Variants in TMEM106B observed in about 807,000 individuals in gnomAD.
The protein encoded by TMEM106B is transmembrane protein 106B.
TMEM106B carries 15 observed loss-of-function variants against 31.1 expected under a neutral mutation model. The observed-to-expected ratio is 0.48, with a 90% CI of 0.32 to 0.74. The LOEUF is 0.74. Ranked by LOEUF, TMEM106B falls within the 30% of genes least tolerant of loss-of-function variation. The pLI, the probability that TMEM106B is intolerant of heterozygous loss-of-function variation, is 0.03. For synonymous variants in TMEM106B, 126 were observed against 112.5 expected (o/e 1.12, Z -0.76); for missense variants, 283 against 327.3 (o/e 0.86, Z 1.04).
chr7:12,230,327 A>T, intron 5 of TMEM106B, 62 bp from the exon 6 acceptor site: 1 of 1,153,488 alleles, frequency 8.7e-7, no homozygotes. Flanking sequence ...GTTATGAAGT[A>T]TATCTGAAAT....
rs1244243355 is a variant in TMEM106B at position 12,239,130 on chromosome 7, T to TA, written c.*7156dup. ...TCTTAGCTAGATATTCTGGGTAACT[T>TA]ACTGCAGGTTCTCCATCAGCACTTA... On this transcript the variant is annotated 3_prime_UTR_variant, in exon 8 of 8. Transcript: ENST00000396668. 6.6e-6 allele frequency: 1 copy of TA among 152,228 alleles called. No individual in the cohort carries two copies. Among genetic ancestry groups the TA allele is most frequent in the South Asian group, 2.1e-4 (1 of 4,834 alleles). 9.4% of individuals were successfully genotyped at this position (152,228 alleles called of 1,614,324 possible).
At chr7:12,225,566 T>C (rs150465020) in intron 4 of TMEM106B, among the ~76,000 whole-genome samples, 77,102 of 152,040 alleles carry the variant, frequency 0.51, 20,597 homozygotes, top group African/African-American at 0.66. Flanking sequence ...GCCATTCTAA[T>C]TGGTGTGAGA....
Position 12,225,016 on chromosome 7 carries a change from C to G in TMEM106B, c.441+631C>G, listed in dbSNP as rs149105187. ...ATTTCTCCTAATGCTATCCCTCCCCCATCCCTCCACCTCACGACAGGCCTC... is the reference window on the plus strand; with the variant it reads ...ATTTCTCCTAATGCTATCCCTCCCCGATCCCTCCACCTCACGACAGGCCTC... On this transcript the variant is annotated intron_variant, in intron 4 of 7. Coordinates refer to ENST00000396668, the MANE Select transcript of TMEM106B (RefSeq NM_001134232.2). Among the ~76,000 whole-genome samples, 4 of 152,086 alleles carry G rather than the reference C, an allele frequency of 2.6e-5. No individual in the cohort carries two copies. In the East Asian group the frequency reaches 7.7e-4, roughly 29 times the overall value.
At chr7:12,227,342 T>A (rs1029759172) in intron 4 of TMEM106B, among the ~76,000 whole-genome samples, 2 of 152,074 alleles carry the variant, frequency 1.3e-5, no homozygotes, top group Non-Finnish European at 2.9e-5. Context: ...TTATAAGACA[T>A]TTGAGAACTA....
At chr7:12,220,696 A>C (rs142450652) in intron 3 of TMEM106B, among the ~76,000 whole-genome samples, 253 of 152,342 alleles carry the variant, frequency 1.7e-3, no homozygotes, top group African/African-American at 5.7e-3. Context: ...ATTATTTGCC[A>C]AATTACATCT....
intron 1 of TMEM106B, among the ~76,000 whole-genome samples, chr7:12,212,100 G>C (rs1019308): frequency 0.64 from 96,691 of 152,070 alleles, 31,808 homozygotes; most frequent in African/African-American, 0.82. Context: ...GTTTCTCACA[G>C]AGTCTGGCAC....
intron 3 of TMEM106B, among the ~76,000 whole-genome samples, chr7:12,223,923 G>A (rs763333301): frequency 6.6e-6 from 1 of 151,898 alleles, no homozygotes; most frequent in Non-Finnish European, 1.5e-5. Flanking sequence ...TTTTCACTGT[G>A]TTGGTCAGGC....
At position 12,242,442 on chromosome 7, in the gene TMEM106B, C is replaced by A. The variant is rs566802179; in HGVS notation, c.*10467C>A. The stretch of plus-strand genomic sequence containing the variant: ...TTAACAAAATCAAGTTTCAAGTTTT[C>A]TGCCTTGTTGATAACTTGTTAACAT... On this transcript the variant is annotated 3_prime_UTR_variant, in exon 8 of 8. Transcript: ENST00000396668. 6.8e-6 allele frequency: 1 copy of A among 146,426 alleles called. No individual in the cohort carries two copies. The highest frequency in any genetic ancestry group is 6.8e-5 in the Admixed American group (1 of 14,724). The allele number at this position is 146,426 out of a possible 1,614,324, so 9.1% of individuals were successfully genotyped here.
In TMEM106B at chr7:12,240,627, C is replaced by T. The variant is rs1782224120; in HGVS notation, c.*8652C>T. On this transcript the variant is annotated 3_prime_UTR_variant, in exon 8 of 8. Transcript: ENST00000396668. ...TATTACCTGAATGTGCTCCTCCTAG[C>T]CAGTTTCTCAAGGGAGAAGAATCAT... 6.6e-6 allele frequency: 1 copy of T among 150,690 alleles called. No individual in the cohort carries two copies. The highest frequency in any genetic ancestry group is 2.4e-5 in the African/African-American group (1 of 41,044). 9.3% of individuals were successfully genotyped at this position (150,690 alleles called of 1,614,324 possible).
At position 12,240,496 on chromosome 7, in the gene TMEM106B, T is replaced by A. The variant is rs1782221054; in HGVS notation, c.*8521T>A. On this transcript the variant is annotated 3_prime_UTR_variant, in exon 8 of 8. Coordinates refer to ENST00000396668, the MANE Select transcript of TMEM106B (RefSeq NM_001134232.2). ...TGTCAGCTTAGAGGTTGTGTTTTAATTACTATTTTTAAAATCTTGTATGAG... is the reference window on the plus strand; with the variant it reads ...TGTCAGCTTAGAGGTTGTGTTTTAAATACTATTTTTAAAATCTTGTATGAG... 1 of 152,174 alleles carries A rather than the reference T, an allele frequency of 6.6e-6. No individual in the cohort carries two copies. The highest frequency in any genetic ancestry group is 6.5e-5 in the Admixed American group (1 of 15,272). The allele number at this position is 152,174 out of a possible 1,614,324, so 9.4% of individuals were successfully genotyped here. A position where few individuals can be genotyped will look rare whatever the true frequency, so the allele number is the denominator to read the frequency against.
At chr7:12,219,392 A>G (rs1010852108) in intron 3 of TMEM106B, among the ~76,000 whole-genome samples, 3 of 152,232 alleles carry the variant, frequency 2.0e-5, no homozygotes, top group Non-Finnish European at 4.4e-5. Flanking sequence ...CATCACCGCA[A>G]ATGAAACCTT....
intron 3 of TMEM106B, among the ~76,000 whole-genome samples, chr7:12,221,045 G>A (rs545739372): frequency 6.6e-6 from 1 of 152,020 alleles, no homozygotes; most frequent in East Asian, 1.9e-4. Context: ...TCACCTCTGA[G>A]TTTGGGAAGG....
Position 12,240,356 on chromosome 7 carries a change from T to C in TMEM106B, c.*8381T>C, listed in dbSNP as rs1224815390. ...CACTTGGTGAACTTTTTCTGAATGT[T>C]TTTTCTGAATGTTTACTTTTAAAGG... On this transcript the variant is annotated 3_prime_UTR_variant, in exon 8 of 8. Transcript: ENST00000396668. 6.6e-6 allele frequency: 1 copy of C among 152,194 alleles called. No homozygotes were observed. Among genetic ancestry groups the C allele is most frequent in the Non-Finnish European group, 1.5e-5 (1 of 68,038 alleles). The allele number at this position is 152,194 out of a possible 1,614,324, so 9.4% of individuals were successfully genotyped here. A position where few individuals can be genotyped will look rare whatever the true frequency, so the allele number is the denominator to read the frequency against.
At chr7:12,229,606 GTTACT>G (rs1483872299) in intron 4 of TMEM106B, 68 bp from the exon 5 acceptor site, 5 of 1,209,594 alleles carry the variant, frequency 4.1e-6, no homozygotes, top group South Asian at 3.5e-5. Context: ...TACAGCTGAA[GTTACT>G]TTAATTTTAA....
chr7:12,217,816 C>T (rs1482703671), intron 2 of TMEM106B, among the ~76,000 whole-genome samples: 1 of 152,084 alleles, frequency 6.6e-6, no homozygotes, highest in Non-Finnish European at 1.5e-5. Context: ...GATAAGCCAA[C>T]TTCTAATAAG....
At position 12,240,298 on chromosome 7, in the gene TMEM106B, C is replaced by T. The variant is rs1782217284; in HGVS notation, c.*8323C>T. 6.6e-6 allele frequency: 1 copy of T among 152,178 alleles called. No homozygotes were observed. Among genetic ancestry groups the T allele is most frequent in the African/African-American group, 2.4e-5 (1 of 41,458 alleles). The allele number at this position is 152,178 out of a possible 1,614,324, so 9.4% of individuals were successfully genotyped here. A position where few individuals can be genotyped will look rare whatever the true frequency, so the allele number is the denominator to read the frequency against. Reference sequence around the variant, plus strand: ...TTTTCAATGCCCACTTCGTGTCCAACCCCTCTCTACTTTCCCTCTAAACTT... The same window carrying T: ...TTTTCAATGCCCACTTCGTGTCCAATCCCTCTCTACTTTCCCTCTAAACTT... On this transcript the variant is annotated 3_prime_UTR_variant, in exon 8 of 8. Transcript: ENST00000396668.
rs1583227992 is a variant in TMEM106B, at chr7:12,243,110, T to C, written c.*11135T>C. 2 of 152,060 alleles carry C rather than the reference T, an allele frequency of 1.3e-5. No individual in the cohort carries two copies. The highest frequency in any genetic ancestry group is 2.9e-5 in the Non-Finnish European group (2 of 67,960). The allele number at this position is 152,060 out of a possible 1,614,324, so 9.4% of individuals were successfully genotyped here. On this transcript the variant is annotated 3_prime_UTR_variant, in exon 8 of 8. Transcript: ENST00000396668. ...TCAAGGTTTTTTATTTATATAAATA[T>C]TGTTACTTTACCACTAGTGATTTCA...
Position 12,232,334 on chromosome 7 carries a change from C to T in TMEM106B, c.*359C>T, listed in dbSNP as rs1457387147. ...TTGGTGATAAACATAATTTGAGAAA[C>T]TTAATTTCTGAATGTTTTTATAGAA... On this transcript the variant is annotated 3_prime_UTR_variant, in exon 8 of 8. Transcript: ENST00000396668. The T allele has an allele frequency of 6.4e-6, 1 of 156,410 alleles. No individual in the cohort carries two copies. Among genetic ancestry groups the T allele is most frequent in the Non-Finnish European group, 1.4e-5 (1 of 70,956 alleles). 9.7% of individuals were successfully genotyped at this position (156,410 alleles called of 1,614,324 possible).
chr7:12,239,185 A>G lies in TMEM106B; in HGVS notation c.*7210A>G, dbSNP rs1456822781. ...TTCACCTTGCACTTTTATATTATGGAAACAACTTATCTCCTTAAACATCAT... is the reference window on the plus strand; with the variant it reads ...TTCACCTTGCACTTTTATATTATGGGAACAACTTATCTCCTTAAACATCAT... On this transcript the variant is annotated 3_prime_UTR_variant, in exon 8 of 8. Transcript: ENST00000396668. 1 of 152,162 alleles carries G rather than the reference A, an allele frequency of 6.6e-6. No individual in the cohort carries two copies. 9.4% of individuals were successfully genotyped at this position (152,162 alleles called of 1,614,324 possible). A position where few individuals can be genotyped will look rare whatever the true frequency, so the allele number is the denominator to read the frequency against.
Sources: gnomAD v4.1 joint callset for allele counts (sites outside exome capture counted in the v4.1 genomes callset) on GRCh38, gnomAD v4.1.1 for gene constraint, MANE v1.5 for transcripts, NCBI Gene and HGNC (gene_info 2026-07-23, HGNC 2026-07-21) for gene names.